The following ITGAL variants were observed in gnomAD, a reference collection of about 807,000 sequenced individuals.
ITGAL encodes integrin alpha-L.
Under a neutral mutation model 138.4 loss-of-function variants are expected in ITGAL, and 68 were observed. The observed-to-expected ratio is 0.49, with a 90% CI of 0.40 to 0.60. The LOEUF (loss-of-function observed/expected upper bound fraction) is 0.60, where lower values mean the gene tolerates loss of function less well. ITGAL is among the 20% of genes least tolerant of loss of function. The probability of loss-of-function intolerance (pLI) is 0.00; values close to 1 mark genes in which losing one functional copy is unlikely to be tolerated. For synonymous variants in ITGAL, 561 were observed against 584.3 expected, an observed-to-expected ratio of 0.96 and a Z score of 0.57; for missense variants, 1,256 against 1,478.6, an observed-to-expected ratio of 0.85 and a Z score of 2.47.
Position 30,475,661 on chromosome 16 carries a change from G to T in ITGAL, c.327+81G>T, listed in dbSNP as rs907576570. The T allele has an allele frequency of 2.6e-5, 29 of 1,110,506 alleles. No homozygotes were observed. In the African/African-American group the frequency reaches 4.5e-4, roughly 17 times the overall value. The allele number at this position is 1,110,506 out of a possible 1,614,324, so 68.8% of individuals were successfully genotyped here. A position where few individuals can be genotyped will look rare whatever the true frequency, so the allele number is the denominator to read the frequency against. Reference sequence around the variant, plus strand: ...GAGAGAAGAAAAGAAGAAGAATGTGGATAAAAGTTCCCACAGATGGTCAAA... The same window carrying T: ...GAGAGAAGAAAAGAAGAAGAATGTGTATAAAAGTTCCCACAGATGGTCAAA... On this transcript the variant is annotated intron_variant, in intron 4 of 30. Coordinates refer to ENST00000356798, the MANE Select transcript of ITGAL (RefSeq NM_002209.3).
At chr16:30,518,809 G>A (rs1321675424) in intron 29 of ITGAL, 90 bp downstream of exon 29, 3 of 976,330 alleles carry the variant, frequency 3.1e-6, no homozygotes, top group Non-Finnish European at 4.9e-6. Context: ...GAGCTCCTGG[G>A]CTCTGTGCGA....
rs117697856 is a variant in ITGAL, at chr16:30,483,981, G to A, written c.855+22G>A. On this transcript the variant is annotated intron_variant, in intron 8 of 30. Transcript: ENST00000356798. ...CGGGGTAGGGCCCCTGCTGCTTCCT[G>A]CATCATATCTTCCCTCTCCTCTTTC... 5,591 of 1,605,438 alleles carry A rather than the reference G, an allele frequency of 3.5e-3. 14 individuals carry two copies. Among genetic ancestry groups the A allele is most frequent in the Non-Finnish European group, 4.3e-3 (5,063 of 1,173,034 alleles).
intron 28 of ITGAL, 107 bp from the exon 29 acceptor site, chr16:30,518,517 C>A: frequency 1.4e-6 from 1 of 738,998 alleles, no homozygotes; most frequent in Non-Finnish European, 2.5e-6. Context: ...GGTGCACCCC[C>A]CTGGAACCCC....
At chr16:30,510,773 A>C in intron 22 of ITGAL, 108 bp from the exon 23 acceptor site, 1 of 884,774 alleles carries the variant, frequency 1.1e-6, no homozygotes, top group Non-Finnish European at 1.9e-6. Context: ...CTTGGGGTGC[A>C]GTGAGCACTT....
intron 17 of ITGAL, among the ~76,000 whole-genome samples, chr16:30,502,253 T>C (rs188088995): frequency 0.012 from 1,866 of 149,466 alleles, 35 homozygotes; most frequent in African/African-American, 0.043. Flanking sequence ...AAAAATTAGC[T>C]GGGCGTGGTG....
Position 30,489,372 on chromosome 16 carries a change from G to A in ITGAL, c.1199G>A (p.Arg400Lys), listed in dbSNP as rs771340512. The A allele has an allele frequency of 2.5e-6, 4 of 1,614,076 alleles. No homozygotes were observed. The highest frequency in any genetic ancestry group is 2.7e-5 in the African/African-American group (2 of 74,936). ...AATGAACCATTGACACCAGAAGTGA[G>A]AGCAGGCTATTTGGGTGAGTACTTC... ...IGNEPLTPEV[R>K]AGYLGYTVTW... Residue 400 changes from arginine (R) to lysine (K), a missense_variant, in exon 11 of 31, where the codon AGA becomes AAA. Coordinates refer to ENST00000356798, the MANE Select transcript of ITGAL (RefSeq NM_002209.3).
intron 21 of ITGAL, among the ~76,000 whole-genome samples, chr16:30,509,112 G>A (rs955621609): frequency 6.6e-6 from 1 of 151,370 alleles, no homozygotes; most frequent in African/African-American, 2.4e-5. Context: ...AGGAGGTGGA[G>A]GTTCAGTGAG....
intron 25 of ITGAL, among the ~76,000 whole-genome samples, chr16:30,514,437 C>T (rs1041112152): frequency 5.3e-5 from 8 of 152,066 alleles, no homozygotes; most frequent in African/African-American, 1.2e-4. Context: ...CCACCATGCC[C>T]GGCTAATTTT....
intron 4 of ITGAL, among the ~76,000 whole-genome samples, chr16:30,478,786 A>T (rs1190540225): frequency 6.6e-6 from 1 of 151,898 alleles, no homozygotes; most frequent in Admixed American, 6.6e-5. Flanking sequence ...ACAGAAAAAG[A>T]GATTGGGACT....
Position 30,499,552 on chromosome 16 carries a change from A to T in ITGAL, c.2145+63A>T, listed in dbSNP as rs1199748801. 46 of 1,540,342 alleles carry T rather than the reference A, an allele frequency of 3.0e-5. No individual in the cohort carries two copies. The East Asian group carries it at 6.5e-4, about 22-fold the overall frequency. ...CTGCAGGGGCAGGCTCAGCTCCGTC[A>T]CTGTCCAGTGGGTGACACGTCACTT... On this transcript the variant is annotated intron_variant, in intron 17 of 30. Coordinates refer to ENST00000356798, the MANE Select transcript of ITGAL (RefSeq NM_002209.3).
At chr16:30,475,769 G>T (rs2050462492) in intron 4 of ITGAL, among the ~76,000 whole-genome samples, 189 bp downstream of exon 4, 1 of 119,532 alleles carries the variant, frequency 8.4e-6, no homozygotes, top group Non-Finnish European at 1.7e-5. Flanking sequence ...TTGAGACAAG[G>T]TCTCATTCTA....
At chr16:30,499,610 G>A (rs965838339) in intron 17 of ITGAL, 121 bp downstream of exon 17, 2 of 853,172 alleles carry the variant, frequency 2.3e-6, no homozygotes, top group Non-Finnish European at 3.6e-6. Context: ...CCTCTCCTGT[G>A]CAATGGTAGT....
intron 6 of ITGAL, chr16:30,481,223 G>T (rs1332117017): frequency 1.6e-5 from 8 of 497,206 alleles, no homozygotes; most frequent in Non-Finnish European, 2.5e-5. Flanking sequence ...GCACGTGCCT[G>T]TAATCGCAGC....
Position 30,499,168 on chromosome 16 carries a change from A to C in ITGAL, c.1927A>C (p.Lys643Gln), listed in dbSNP as rs199984968. Residue 643 changes from lysine to glutamine, a missense_variant, in exon 16 of 31, where the codon AAG (lysine) becomes CAG (glutamine). By Grantham distance (53) the Lys-to-Gln change is moderately conservative. This residue lies in a region of ITGAL where 867 missense variants were observed against 972.5 expected (regional missense o/e 0.89). Transcript: ENST00000356798. ...GGAGTGCTCCTATTCAACCAGTAAC[A>C]AGATGAAAGAAGGAGTTAATATCAC... ...EVECSYSTSN[K>Q]MKEGVNITIC... 4.5e-5 allele frequency: 72 copies of C among 1,614,050 alleles called. No homozygotes were observed. The East Asian group carries it at 1.6e-3, about 36-fold the overall frequency.
At chr16:30,482,749 C>T (rs2050578176) in intron 7 of ITGAL, among the ~76,000 whole-genome samples, 1 of 152,118 alleles carries the variant, frequency 6.6e-6, no homozygotes, top group Non-Finnish European at 1.5e-5. Flanking sequence ...AGACGGTTCA[C>T]ACCTTGCTGC....
intron 11 of ITGAL, among the ~76,000 whole-genome samples, chr16:30,493,280 T>TATTTTATTTA (rs2050751136): frequency 6.6e-6 from 1 of 150,534 alleles, no homozygotes; most frequent in African/African-American, 2.4e-5. Flanking sequence ...TATTTTATTT[T>TATTTTATTTA]ATTTATTTAT....
chr16:30,474,575 C>T, intron 2 of ITGAL: 2 of 426,600 alleles, frequency 4.7e-6, no homozygotes, highest in Non-Finnish European at 8.6e-6. Flanking sequence ...CTGACACTCC[C>T]TTACTCCCCT....
chr16:30,483,602 C>A (rs1215920094), intron 7 of ITGAL, among the ~76,000 whole-genome samples: 2 of 152,176 alleles, frequency 1.3e-5, no homozygotes, highest in African/African-American at 4.8e-5. Flanking sequence ...TCTGGGACAC[C>A]CTCTGGACTG....
intron 25 of ITGAL, 96 bp downstream of exon 25, chr16:30,513,942 C>T (rs1938674968): frequency 1.1e-6 from 1 of 894,792 alleles, no homozygotes; most frequent in Non-Finnish European, 1.9e-6. Context: ...CAGTACTCAT[C>T]CTAGCCATCC....
Sources: gnomAD v4.1 joint callset for allele counts (sites outside exome capture counted in the v4.1 genomes callset) on GRCh38, gnomAD v4.1.1 for gene constraint, gnomAD v4.1.1 regional missense constraint, MANE v1.5 for transcripts, NCBI Gene and HGNC (gene_info 2026-07-23, HGNC 2026-07-21) for gene names.